Variants in ADGRL2 observed in about 807,000 individuals in gnomAD.
ADGRL2 encodes adhesion G protein-coupled receptor L2, also known as calcium-independent alpha-latrotoxin receptor 2.
Under a neutral mutation model 157.4 loss-of-function variants are expected in ADGRL2, and 44 were observed. The observed-to-expected ratio is 0.28, with a 90% CI of 0.22 to 0.36. The LOEUF (loss-of-function observed/expected upper bound fraction) is 0.36. ADGRL2 is among the 10% of genes least tolerant of loss of function. ADGRL2 has a pLI of 1.00. For synonymous variants in ADGRL2, 585 were observed against 624.7 expected, an observed-to-expected ratio of 0.94 and a Z score of 0.95; for missense variants, 1,510 against 1,768.9, an observed-to-expected ratio of 0.85 and a Z score of 2.63.
At chr1:81,448,893 T>G (rs2101725993) in intron 2 of ADGRL2, among the ~76,000 whole-genome samples, 1 of 152,220 alleles carries the variant, frequency 6.6e-6, no homozygotes, top group Non-Finnish European at 1.5e-5. Flanking sequence ...CCCAAAACTT[T>G]TCCACAACAA....
chr1:81,478,024 A>T (rs956475815), intron 2 of ADGRL2, among the ~76,000 whole-genome samples: 4 of 151,140 alleles, frequency 2.6e-5, no homozygotes, highest in African/African-American at 9.7e-5. Flanking sequence ...TTTGAGAGTA[A>T]TTTTTTTGCA....
intron 2 of ADGRL2, among the ~76,000 whole-genome samples, chr1:81,854,574 A>G (rs1285304042): frequency 2.0e-5 from 3 of 152,194 alleles, no homozygotes; most frequent in Non-Finnish European, 2.9e-5. Context: ...TTAAACATTT[A>G]TTAATCAGTG....
intron 2 of ADGRL2, among the ~76,000 whole-genome samples, chr1:81,479,493 A>G (rs936744340): frequency 2.6e-5 from 4 of 152,148 alleles, no homozygotes; most frequent in African/African-American, 9.7e-5. Flanking sequence ...AAATAAAAAA[A>G]AAGAAATTTC....
chr1:81,825,024 C>T (rs751711725), intron 1 of ADGRL2, among the ~76,000 whole-genome samples: 10 of 149,034 alleles, frequency 6.7e-5, no homozygotes, highest in Admixed American at 4.7e-4. Flanking sequence ...TCATTCCAGC[C>T]CCAGTTGCAA....
At chr1:81,851,909 G>T (rs961375429) in intron 2 of ADGRL2, among the ~76,000 whole-genome samples, 1 of 151,910 alleles carries the variant, frequency 6.6e-6, no homozygotes, top group African/African-American at 2.4e-5. Flanking sequence ...TAAATGCAGA[G>T]TACAACTATA....
chr1:81,967,945 A>G, intron 13 of ADGRL2, 81 bp from the exon 14 acceptor site: 8 of 1,150,062 alleles, frequency 7.0e-6, no homozygotes, highest in Non-Finnish European at 1.0e-5. Flanking sequence ...AATCTAAATT[A>G]CCTTTTATAC....
At chr1:81,332,898 T>C (rs1661367319) in intron 1 of ADGRL2, among the ~76,000 whole-genome samples, 1 of 152,202 alleles carries the variant, frequency 6.6e-6, no homozygotes, top group Non-Finnish European at 1.5e-5. Context: ...TTTTATTTTT[T>C]CCCCTTGGAC....
intron 2 of ADGRL2, among the ~76,000 whole-genome samples, chr1:81,793,908 A>G (rs1383280261): frequency 2.0e-5 from 3 of 152,272 alleles, no homozygotes; most frequent in African/African-American, 7.2e-5. Context: ...TTATTTTTAA[A>G]TGATAAATGA....
intron 2 of ADGRL2, among the ~76,000 whole-genome samples, chr1:81,577,637 T>C (rs886203310): frequency 6.6e-6 from 1 of 152,138 alleles, no homozygotes; most frequent in Non-Finnish European, 1.5e-5. Flanking sequence ...CAAATGTCAC[T>C]CACAGGATTA....
intron 3 of ADGRL2, among the ~76,000 whole-genome samples, chr1:81,910,000 G>A (rs1056294138): frequency 1.3e-5 from 2 of 152,014 alleles, no homozygotes; most frequent in Non-Finnish European, 2.9e-5. Flanking sequence ...AGCACTTTGC[G>A]AGGCCGAGGC....
At chr1:81,905,388 G>A (rs376456339) in intron 2 of ADGRL2, among the ~76,000 whole-genome samples, 2 of 152,122 alleles carry the variant, frequency 1.3e-5, no homozygotes, top group South Asian at 2.1e-4. Flanking sequence ...GTGAACCACA[G>A]CGCTAGACCT....
At chr1:81,574,237 G>A (rs2080752964) in intron 2 of ADGRL2, among the ~76,000 whole-genome samples, 1 of 151,796 alleles carries the variant, frequency 6.6e-6, no homozygotes, top group Admixed American at 6.6e-5. Context: ...GGGAGGGGGA[G>A]GGGGAGGATG....
intron 1 of ADGRL2, among the ~76,000 whole-genome samples, chr1:81,394,366 T>C (rs948019729): frequency 6.6e-6 from 1 of 152,118 alleles, no homozygotes; most frequent in Non-Finnish European, 1.5e-5. Context: ...TCCCCCCTCC[T>C]CCTGTACCCT....
intron 3 of ADGRL2, among the ~76,000 whole-genome samples, chr1:81,671,798 C>T (rs2082881242): frequency 6.6e-6 from 1 of 152,214 alleles, no homozygotes; most frequent in African/African-American, 2.4e-5. Flanking sequence ...CAGGTGTGAG[C>T]CACCACGCCC....
At chr1:81,609,091 G>C (rs1160208384) in intron 3 of ADGRL2, among the ~76,000 whole-genome samples, 1 of 151,498 alleles carries the variant, frequency 6.6e-6, no homozygotes. Context: ...CCAGGTTAGA[G>C]TGCAGTGGTG....
chr1:81,528,194 C>A (rs891383793), intron 2 of ADGRL2, among the ~76,000 whole-genome samples: 14 of 152,320 alleles, frequency 9.2e-5, no homozygotes, highest in African/African-American at 3.4e-4. Flanking sequence ...AAATACATTT[C>A]TATTATTTAT....
chr1:81,537,010 T>C (rs2079755247), intron 2 of ADGRL2, among the ~76,000 whole-genome samples: 1 of 152,206 alleles, frequency 6.6e-6, no homozygotes, highest in African/African-American at 2.4e-5. Context: ...AAGAGAATAT[T>C]GCTATGAACT....
intron 2 of ADGRL2, among the ~76,000 whole-genome samples, chr1:81,505,798 A>C (rs141449638): frequency 2.8e-3 from 421 of 150,992 alleles, no homozygotes; most frequent in Non-Finnish European, 4.9e-3. Flanking sequence ...GAAAAATCTG[A>C]GTTTTTATTA....
chr1:81,405,869 T>C (rs1038475419), intron 1 of ADGRL2, among the ~76,000 whole-genome samples: 1 of 152,098 alleles, frequency 6.6e-6, no homozygotes, highest in Non-Finnish European at 1.5e-5. Context: ...AAAAGGAATA[T>C]TTCATTTCCT....
Sources: allele counts gnomAD v4.1 joint callset (sites outside exome capture counted in the v4.1 genomes callset), GRCh38; gene constraint gnomAD v4.1.1; transcripts MANE v1.5; gene names NCBI Gene and HGNC (gene_info 2026-07-23, HGNC 2026-07-21).